The following MYO10 variants were observed in gnomAD, a reference collection of about 807,000 sequenced individuals.
MYO10 encodes unconventional myosin-X.
In MYO10, 133 loss-of-function variants were observed where a neutral mutation model predicts 257.3. That is an observed-to-expected ratio of 0.52 (90% CI 0.45 to 0.60). MYO10 has a LOEUF of 0.60. Among genes scored for constraint, MYO10 ranks in the 20% least tolerant of loss-of-function variants. The pLI is 0.00. For missense variants in MYO10, 2,399 were observed against 2,635.7 expected, an observed-to-expected ratio of 0.91 and a Z score of 1.97; for synonymous variants, 1,104 against 1,028.6, an observed-to-expected ratio of 1.07 and a Z score of -1.40.
At chr5:16,861,528 C>T (rs536711658) in intron 2 of MYO10, among the ~76,000 whole-genome samples, 2 of 152,120 alleles carry the variant, frequency 1.3e-5, no homozygotes, top group African/African-American at 4.8e-5. Flanking sequence ...GCTGAGATCG[C>T]GCCATGGCAC....
chr5:16,676,151 TCTC>T lies in MYO10; in HGVS notation c.4543_4545del (p.Glu1515del), dbSNP rs770799863. On this transcript the variant is annotated inframe_deletion and splice_region_variant, in exon 34 of 41. Coordinates refer to ENST00000513610, the MANE Select transcript of MYO10 (RefSeq NM_012334.3). Reference sequence around the variant, plus strand: ...TCCACCACATCCGAGTTCAGGCAGTTCTCCTAAAAATAAAGCAAGCAAGCTTAT... The same window carrying T: ...TCCACCACATCCGAGTTCAGGCAGTTCTAAAAATAAAGCAAGCAAGCTTAT... The T allele has an allele frequency of 1.1e-5, 18 of 1,611,402 alleles. No homozygotes were observed. Among genetic ancestry groups the T allele is most frequent in the Admixed American group, 6.7e-5 (4 of 59,370 alleles).
intron 19 of MYO10, chr5:16,742,198 C>T: frequency 1.0e-6 from 1 of 985,274 alleles, no homozygotes; most frequent in Admixed American, 6.1e-5. Flanking sequence ...TTGGAAAATC[C>T]ACCCAGAGAA....
chr5:16,804,556 GT>G (rs932860651), intron 3 of MYO10, among the ~76,000 whole-genome samples: 1 of 152,190 alleles, frequency 6.6e-6, no homozygotes, highest in African/African-American at 2.4e-5. Flanking sequence ...CATAGTCATA[GT>G]TCCCAATCGT....
chr5:16,745,081 G>A (rs1044157044), intron 19 of MYO10, among the ~76,000 whole-genome samples: 1 of 152,144 alleles, frequency 6.6e-6, no homozygotes, highest in Non-Finnish European at 1.5e-5. Context: ...AGCTCACGCC[G>A]GTAATCCCAG....
intron 26 of MYO10, among the ~76,000 whole-genome samples, chr5:16,698,332 G>A (rs1737855405): frequency 6.6e-6 from 1 of 152,176 alleles, no homozygotes; most frequent in Non-Finnish European, 1.5e-5. Context: ...CTGCCCTCTA[G>A]CTTGGGTAAC....
At chr5:16,818,332 A>ATC (rs536159757) in intron 2 of MYO10, among the ~76,000 whole-genome samples, 165 bp from the exon 3 acceptor site, 58 of 142,586 alleles carry the variant, frequency 4.1e-4, no homozygotes, top group East Asian at 8.3e-4. Context: ...TATGTCACCT[A>ATC]TCTCTCTCTC....
In MYO10 at chr5:16,666,900, T is replaced by C. The variant is rs1736198950; in HGVS notation, c.6076-107A>G. On this transcript the variant is annotated intron_variant, in intron 40 of 40. Transcript: ENST00000513610. Reference sequence around the variant, plus strand: ...CTGGGCACCCTCCCGTAGCCTTCCATGCTAATCGACGGATCCCATTTTGCA... The same window carrying C: ...CTGGGCACCCTCCCGTAGCCTTCCACGCTAATCGACGGATCCCATTTTGCA... 4.7e-5 allele frequency: 38 copies of C among 809,428 alleles called. 1 individual carries two copies. The South Asian group carries it at 6.4e-4, about 14-fold the overall frequency. 50.1% of individuals were successfully genotyped at this position (809,428 alleles called of 1,614,324 possible).
chr5:16,894,269 T>C (rs1745159135), intron 1 of MYO10, among the ~76,000 whole-genome samples: 1 of 152,200 alleles, frequency 6.6e-6, no homozygotes, highest in Non-Finnish European at 1.5e-5. Context: ...CCTTCTTTGA[T>C]AGCCTTGACG....
intron 29 of MYO10, 26 bp downstream of exon 29, chr5:16,685,712 C>T (rs1185115164): frequency 5.2e-6 from 8 of 1,544,452 alleles, no homozygotes; most frequent in Non-Finnish European, 7.0e-6. Context: ...GACGCCCCAC[C>T]CCCATCCCAC....
At chr5:16,778,357 A>C (rs538134513) in intron 9 of MYO10, among the ~76,000 whole-genome samples, 2 of 152,294 alleles carry the variant, frequency 1.3e-5, no homozygotes, top group East Asian at 3.9e-4. Flanking sequence ...GCAACCAGAA[A>C]TGGCCATCAC....
At chr5:16,707,242 T>A (rs1328751748) in intron 21 of MYO10, among the ~76,000 whole-genome samples, 3 of 152,190 alleles carry the variant, frequency 2.0e-5, no homozygotes. Context: ...AATTACCCAG[T>A]CTCGGGTATG....
intron 1 of MYO10, among the ~76,000 whole-genome samples, chr5:16,889,508 A>AGAGAGAG (rs1561041189): frequency 7.2e-5 from 5 of 69,416 alleles, no homozygotes; most frequent in African/African-American, 2.5e-4. Flanking sequence ...GGAAGGAAGG[A>AGAGAGAG]AGGAAGGAAG....
chr5:16,929,764 C>A (rs1746245576), intron 1 of MYO10, among the ~76,000 whole-genome samples: 1 of 152,134 alleles, frequency 6.6e-6, no homozygotes, highest in Non-Finnish European at 1.5e-5. Flanking sequence ...GGGGAAAAGT[C>A]TACATGTTCA....
intron 2 of MYO10, among the ~76,000 whole-genome samples, chr5:16,862,284 T>G (rs113011742): frequency 2.6e-5 from 4 of 152,230 alleles, no homozygotes; most frequent in African/African-American, 7.2e-5. Flanking sequence ...GATGCCTGGA[T>G]AGGTCTTTGC....
Position 16,806,969 on chromosome 5 carries a change from C to T in MYO10, c.279+11040G>A, listed in dbSNP as rs369836740. Among the ~76,000 whole-genome samples, 4 of 152,270 alleles carry T rather than the reference C, an allele frequency of 2.6e-5. No individual in the cohort carries two copies. The South Asian group carries it at 6.2e-4, about 24-fold the overall frequency. ...GCTATTGTTAATGAAAATAAAACCACAATGCTTTTCGTCATGTAGTCCTGA... is the reference window on the plus strand; with the variant it reads ...GCTATTGTTAATGAAAATAAAACCATAATGCTTTTCGTCATGTAGTCCTGA... On this transcript the variant is annotated intron_variant, in intron 3 of 40. Coordinates refer to ENST00000513610, the MANE Select transcript of MYO10 (RefSeq NM_012334.3).
At chr5:16,840,411 CTGAA>C (rs58976150) in intron 2 of MYO10, among the ~76,000 whole-genome samples, 10,824 of 137,120 alleles carry the variant, frequency 0.079, 1,229 homozygotes, top group African/African-American at 0.25. Flanking sequence ...CACTCCATCT[CTGAA>C]TGAATGAATG....
rs199866578 is a variant in MYO10 at position 16,906,725 on chromosome 5, AC to A, written c.22-29019del. On this transcript the variant is annotated intron_variant, in intron 1 of 40. Coordinates refer to ENST00000513610, the MANE Select transcript of MYO10 (RefSeq NM_012334.3). ...GACAGTCTCAACACTTTCATCCCCC[AC>A]ATCCAAGAAGTGCCAGAAGTTACCC... is the stretch of plus-strand genomic sequence containing the variant. 4.9e-3 allele frequency among the ~76,000 whole-genome samples: 743 copies of A among 152,166 alleles called. 10 individuals are homozygous for A. Among genetic ancestry groups the A allele is most frequent in the African/African-American group, 0.017 (715 of 41,512 alleles).
At chr5:16,865,130 A>G (rs771139529) in intron 2 of MYO10, among the ~76,000 whole-genome samples, 6 of 152,162 alleles carry the variant, frequency 3.9e-5, no homozygotes, top group Non-Finnish European at 5.9e-5. Context: ...TTCCAAGAAT[A>G]ACAGATGGAG....
chr5:16,879,300 T>C (rs1744694949), intron 1 of MYO10, among the ~76,000 whole-genome samples: 1 of 152,332 alleles, frequency 6.6e-6, no homozygotes, highest in Non-Finnish European at 1.5e-5. Context: ...ATTTGAAATA[T>C]GCTGGTTATG....
Sources: allele counts gnomAD v4.1 joint callset (sites outside exome capture counted in the v4.1 genomes callset), GRCh38; gene constraint gnomAD v4.1.1; transcripts MANE v1.5; gene names NCBI Gene and HGNC (gene_info 2026-07-23, HGNC 2026-07-21).